Variants in ITGA4 observed in about 807,000 individuals in gnomAD.
ITGA4 encodes integrin subunit alpha 4.
ITGA4 carries 63 observed loss-of-function variants against 133.6 expected under a neutral mutation model. The ratio of observed to expected loss-of-function variants is 0.47; its 90% confidence interval spans 0.38 to 0.58. The LOEUF (loss-of-function observed/expected upper bound fraction) is 0.58. Ranked by LOEUF, ITGA4 falls within the 20% of genes least tolerant of loss-of-function variation. ITGA4 has a pLI of 0.00. For synonymous variants in ITGA4, 483 were observed against 438.0 expected (o/e 1.10, Z -1.28); for missense variants, 1,076 against 1,252.7 (o/e 0.86, Z 2.13).
At position 181,530,647 on chromosome 2, in the gene ITGA4, T is replaced by C. The variant is rs199854216; in HGVS notation, c.2662T>C (p.Leu888=). ...CTTGTCCAAGACTGATAAGAGGCTA[T>C]TGGTAAGTTTCAGTTTTTCAGGTTG... ...RFLSKTDKRL[L]YCIKADPHCL... The change falls in exon 24 of 28, where the codon TTG becomes CTG. Residue 888 remains leucine, a splice_region_variant and synonymous_variant. Coordinates refer to ENST00000397033, the MANE Select transcript of ITGA4 (RefSeq NM_000885.6). The C allele has an allele frequency of 6.8e-6, 11 of 1,609,030 alleles. No individual in the cohort carries two copies. Among genetic ancestry groups the C allele is most frequent in the Middle Eastern group, 1.7e-4 (1 of 6,030 alleles).
rs1686735638 is a variant in ITGA4 at position 181,522,223 on chromosome 2, G to A, written c.1955G>A (p.Gly652Glu). 2 of 1,598,994 alleles carry A rather than the reference G, an allele frequency of 1.3e-6. No individual in the cohort carries two copies. Among genetic ancestry groups the A allele is most frequent in the Non-Finnish European group, 1.7e-6 (2 of 1,170,214 alleles). ...PHENKTYLAV[G>E]SMKTLMLNVS... ...GAAAATAAAACATATCTTGCTGTTG[G>A]GAGTATGAAGACATTGATGTTGAAT... Residue 652 changes from glycine (G) to glutamate (E), a missense_variant, in exon 18 of 28, where the codon GGG becomes GAG. Physicochemically the swap from Gly to Glu is moderately conservative, Grantham distance 98. Transcript: ENST00000397033.
intron 11 of ITGA4, among the ~76,000 whole-genome samples, 190 bp downstream of exon 11, chr2:181,493,609 A>G (rs1378035813): frequency 1.3e-5 from 2 of 152,192 alleles, no homozygotes; most frequent in Non-Finnish European, 2.9e-5. Context: ...CCCTTTCTCC[A>G]TAAATAAGAG....
At chr2:181,535,370 A>T (rs1687040407) in intron 27 of ITGA4, 62 bp from the exon 28 acceptor site, 1 of 1,242,716 alleles carries the variant, frequency 8.0e-7, no homozygotes, top group East Asian at 2.4e-5. Flanking sequence ...ATTAGAAATG[A>T]GTATAGTAGA....
chr2:181,520,399 G>T (rs1686692719), intron 17 of ITGA4, among the ~76,000 whole-genome samples: 1 of 151,998 alleles, frequency 6.6e-6, no homozygotes, highest in South Asian at 2.1e-4. Flanking sequence ...GCCAACTCTG[G>T]AGGGCCTCTG....
chr2:181,482,561 A>T lies in ITGA4; in HGVS notation c.951A>T (p.Ala317=). 6.2e-7 allele frequency: 1 copy of T among 1,613,932 alleles called. No individual in the cohort carries two copies. Among genetic ancestry groups the T allele is most frequent in the Non-Finnish European group, 8.5e-7 (1 of 1,179,852 alleles). ...CTGTCTGTGCTGTGGACCTCAATGC[A>T]GATGGCTTCTCAGATCTGCTCGTGG... ...GASVCAVDLN[A]DGFSDLLVGA... is the part of the protein sequence containing the mutation. Residue 317 remains alanine (A), a synonymous_variant, in exon 9 of 28, where the codon GCA becomes GCT. Transcript: ENST00000397033.
intron 21 of ITGA4, among the ~76,000 whole-genome samples, chr2:181,526,821 CTTTTTTTTTTTTTTTTTTTTTT>C (rs538208494): frequency 2.4e-5 from 1 of 40,994 alleles, no homozygotes; most frequent in African/African-American, 6.2e-5. Flanking sequence ...AGCACATGGC[CTTTTTTTTTTTTTTTTTTTTTT>C]TTTTTTTTTT....
At chr2:181,518,863 T>G (rs1024882313) in intron 17 of ITGA4, among the ~76,000 whole-genome samples, 2 of 152,158 alleles carry the variant, frequency 1.3e-5, no homozygotes, top group African/African-American at 4.8e-5. Flanking sequence ...TTTTTAAACA[T>G]AGTTTGTCAA....
intron 2 of ITGA4, among the ~76,000 whole-genome samples, chr2:181,473,469 G>C (rs1685603177): frequency 6.6e-6 from 1 of 152,216 alleles, no homozygotes; most frequent in Non-Finnish European, 1.5e-5. Context: ...CACTGACCTA[G>C]GGTAATCAGG....
chr2:181,521,701 A>T (rs772583569), intron 17 of ITGA4, among the ~76,000 whole-genome samples: 2 of 152,188 alleles, frequency 1.3e-5, no homozygotes, highest in African/African-American at 2.4e-5. Flanking sequence ...TTGTGGGTGG[A>T]CATAGTAGTT....
chr2:181,528,126 T>C (rs1230028789), intron 22 of ITGA4, among the ~76,000 whole-genome samples: 1 of 152,232 alleles, frequency 6.6e-6, no homozygotes, highest in African/African-American at 2.4e-5. Context: ...TAATATTTTG[T>C]AAGACAATGC....
intron 2 of ITGA4, among the ~76,000 whole-genome samples, chr2:181,461,996 C>T (rs774384432): frequency 9.2e-4 from 140 of 151,900 alleles, no homozygotes; most frequent in African/African-American, 2.2e-3. Flanking sequence ...ATTTATTAGG[C>T]GAAATAAAAT....
Position 181,488,800 on chromosome 2 carries a change from T to C in ITGA4, c.1153+2808T>C, listed in dbSNP as rs368753322. ...GTCTCTATCTCCTGACCTTGTGATCTGCCCGCCTTGGCCTCCAAAAATGCT... is the reference window on the plus strand; with the variant it reads ...GTCTCTATCTCCTGACCTTGTGATCCGCCCGCCTTGGCCTCCAAAAATGCT... On this transcript the variant is annotated intron_variant, in intron 10 of 27. Transcript: ENST00000397033. Among the ~76,000 whole-genome samples, 210 of 152,268 alleles carry C rather than the reference T, an allele frequency of 1.4e-3. 2 individuals carry two copies. The highest frequency in any genetic ancestry group is 0.014 in the Middle Eastern group (4 of 294).
At chr2:181,490,882 A>G (rs1436931928) in intron 10 of ITGA4, among the ~76,000 whole-genome samples, 9 of 152,232 alleles carry the variant, frequency 5.9e-5, no homozygotes, top group Admixed American at 5.2e-4. Flanking sequence ...GATTTATACT[A>G]AAAGAATGAA....
intron 7 of ITGA4, among the ~76,000 whole-genome samples, 159 bp downstream of exon 7, chr2:181,481,842 T>C (rs1019085943): frequency 5.9e-5 from 9 of 152,162 alleles, no homozygotes; most frequent in Non-Finnish European, 1.2e-4. Context: ...ATGTTATGGT[T>C]TTAGAAGAAA....
At position 181,523,114 on chromosome 2, in the gene ITGA4, A is replaced by AT. The variant is rs553575025; in HGVS notation, c.2074-313dup. Among the ~76,000 whole-genome samples, 46 of 149,426 alleles carry AT rather than the reference A, an allele frequency of 3.1e-4. No individual in the cohort carries two copies. The East Asian group carries it at 3.5e-3, about 11-fold the overall frequency. The stretch of plus-strand genomic sequence containing the variant: ...GATAAATGAAAGCTACAAGTCCAGA[A>AT]TTTTTTTTTTGTGGAGAATCTGTTT... On this transcript the variant is annotated intron_variant, in intron 18 of 27. Coordinates refer to ENST00000397033, the MANE Select transcript of ITGA4 (RefSeq NM_000885.6). This position sits in a 1 kb window ranked among gnomAD's most constrained non-coding sequence, Gnocchi z 4.2.
intron 10 of ITGA4, among the ~76,000 whole-genome samples, chr2:181,492,187 G>A (rs1686062186): frequency 1.3e-5 from 2 of 152,180 alleles, no homozygotes; most frequent in South Asian, 2.1e-4. Flanking sequence ...AAATGAGTGG[G>A]CATATTTGTA....
At position 181,523,338 on chromosome 2, in the gene ITGA4, T is replaced by C; in HGVS notation, c.2074-99T>C. On this transcript the variant is annotated intron_variant, in intron 18 of 27. Transcript: ENST00000397033. This position sits in a 1 kb window ranked among gnomAD's most constrained non-coding sequence, Gnocchi z 4.2. ...ATAGTTTTCCTAGAAAAGCAAATAC[T>C]TCTGGGATGATATTCTTTTCAATAA... 1.4e-6 allele frequency: 1 copy of C among 699,684 alleles called. No individual in the cohort carries two copies. The highest frequency in any genetic ancestry group is 2.7e-5 in the East Asian group (1 of 37,536). 43.3% of individuals were successfully genotyped at this position (699,684 alleles called of 1,614,324 possible). A position where few individuals can be genotyped will look rare whatever the true frequency, so the allele number is the denominator to read the frequency against.
intron 6 of ITGA4, 94 bp from the exon 7 acceptor site, chr2:181,481,504 A>G (rs1685802958): frequency 4.0e-6 from 2 of 503,946 alleles, no homozygotes; most frequent in African/African-American, 3.9e-5. Context: ...GTGATTTTGA[A>G]TTCGGTATCA....
chr2:181,502,583 T>G (rs952484442), intron 15 of ITGA4, among the ~76,000 whole-genome samples: 1 of 152,032 alleles, frequency 6.6e-6, no homozygotes, highest in African/African-American at 2.4e-5. Context: ...GTAGATGTGG[T>G]GATGGGGACT....
Sources: gnomAD v4.1 joint callset for allele counts (sites outside exome capture counted in the v4.1 genomes callset) on GRCh38, gnomAD v4.1.1 for gene constraint, Gnocchi (gnomAD v3.1) non-coding constraint, MANE v1.5 for transcripts, NCBI Gene and HGNC (gene_info 2026-07-23, HGNC 2026-07-21) for gene names.